SOCS5: variants seen among roughly 807,000 people sequenced by gnomAD.
SOCS5 encodes the protein CIS-6.
Under a neutral mutation model 42.8 loss-of-function variants are expected in SOCS5, and 32 were observed. The observed-to-expected ratio is 0.75, with a 90% CI of 0.56 to 1.01. The LOEUF (loss-of-function observed/expected upper bound fraction) is 1.01, where lower values mean the gene tolerates loss of function less well. SOCS5 is among the 50% of genes least tolerant of loss of function. The pLI, the probability that SOCS5 is intolerant of heterozygous loss-of-function variation, is 0.00. For missense variants in SOCS5, 627 were observed against 653.0 expected (o/e 0.96, Z 0.43); for synonymous variants, 283 against 229.6 (o/e 1.23, Z -2.10).
intron 1 of SOCS5, among the ~76,000 whole-genome samples, chr2:46,724,733 G>A (rs1167153217): frequency 1.3e-5 from 2 of 151,782 alleles, no homozygotes; most frequent in African/African-American, 4.8e-5. Context: ...CATATTTTAT[G>A]TTGCTTCAGT....
chr2:46,746,543 C>T (rs145107140), intron 1 of SOCS5, among the ~76,000 whole-genome samples: 89 of 151,334 alleles, frequency 5.9e-4, no homozygotes, highest in Non-Finnish European at 9.0e-4. Flanking sequence ...CCCAGCTACT[C>T]GGGAGGCTGA....
intron 1 of SOCS5, among the ~76,000 whole-genome samples, chr2:46,741,942 A>C (rs767330387): frequency 3.3e-5 from 5 of 152,222 alleles, no homozygotes; most frequent in Non-Finnish European, 5.9e-5. Flanking sequence ...CATAGTTTTC[A>C]AGCTTTAGTA....
At position 46,749,574 on chromosome 2, in the gene SOCS5, C is replaced by T. The variant is rs962577623; in HGVS notation, c.-12-8945C>T. Among the ~76,000 whole-genome samples, 3 of 152,192 alleles carry T rather than the reference C, an allele frequency of 2.0e-5. No individual in the cohort carries two copies. In the East Asian group the frequency reaches 5.8e-4, roughly 29 times the overall value. The stretch of plus-strand genomic sequence containing the variant: ...TCCCCATAAGAAAATGAAGCATAAC[C>T]TCTTAGGATTTTAGGCTTCTCTAGT... On this transcript the variant is annotated intron_variant, in intron 1 of 1. Transcript: ENST00000394861.
intron 1 of SOCS5, among the ~76,000 whole-genome samples, chr2:46,725,909 A>C (rs1486788526): frequency 6.6e-6 from 1 of 152,024 alleles, no homozygotes; most frequent in Non-Finnish European, 1.5e-5. Context: ...CCCTTTAAAA[A>C]TGTGCTGTTT....
intron 1 of SOCS5, among the ~76,000 whole-genome samples, chr2:46,726,098 A>G (rs1390553260): frequency 6.6e-6 from 1 of 151,142 alleles, no homozygotes. Flanking sequence ...TTAAAAATTT[A>G]TTTATTTATT....
chr2:46,746,670 G>A (rs1221768564), intron 1 of SOCS5, among the ~76,000 whole-genome samples: 3 of 151,522 alleles, frequency 2.0e-5, no homozygotes, highest in Non-Finnish European at 4.4e-5. Context: ...GATCCCATCA[G>A]CCTGTCTCCT....
At chr2:46,738,110 A>G (rs1214894689) in intron 1 of SOCS5, among the ~76,000 whole-genome samples, 1 of 152,182 alleles carries the variant, frequency 6.6e-6, no homozygotes, top group Non-Finnish European at 1.5e-5. Context: ...GGGCCAACTA[A>G]GGGAGGTATT....
In SOCS5 at chr2:46,759,540, G is replaced by C. The variant is rs1464246989; in HGVS notation, c.1010G>C (p.Arg337Thr). The C allele has an allele frequency of 1.9e-6, 3 of 1,613,842 alleles. No individual in the cohort carries two copies. The highest frequency in any genetic ancestry group is 2.5e-6 in the Non-Finnish European group (3 of 1,179,872). Residue 337 changes from arginine to threonine, a missense_variant, in exon 2 of 2, where the codon AGG becomes ACG. By Grantham distance (71) the Arg-to-Thr change is moderately conservative (BLOSUM62 -1). Around this residue, in one of 3 missense-constraint regions of SOCS5, gnomAD observed 340 missense variants for 367.6 expected, o/e 0.92. Transcript: ENST00000394861. ...ACCACCCTGTGTTTGCAGTCACGGA[G>C]GCAGAAGCAGCGTCAGATATCTGGA... ...DTTTLCLQSR[R>T]QKQRQISGDS...
At chr2:46,725,631 A>G (rs1241846343) in intron 1 of SOCS5, among the ~76,000 whole-genome samples, 1 of 152,192 alleles carries the variant, frequency 6.6e-6, no homozygotes, top group Non-Finnish European at 1.5e-5. Context: ...AGACAATTAC[A>G]TAGTTTCTGC....
intron 1 of SOCS5, among the ~76,000 whole-genome samples, chr2:46,720,120 C>A (rs1262886782): frequency 6.6e-6 from 1 of 152,136 alleles, no homozygotes; most frequent in African/African-American, 2.4e-5. Context: ...ATGTTCTCAT[C>A]ATTAAAACTG....
At chr2:46,727,133 G>C (rs574175981) in intron 1 of SOCS5, among the ~76,000 whole-genome samples, 1 of 136,522 alleles carries the variant, frequency 7.3e-6, no homozygotes, top group East Asian at 2.1e-4. Flanking sequence ...GTTTTCCCTT[G>C]TTGGAGCCTT....
intron 1 of SOCS5, among the ~76,000 whole-genome samples, chr2:46,754,418 C>T (rs1284251607): frequency 1.3e-5 from 2 of 152,060 alleles, no homozygotes; most frequent in Non-Finnish European, 2.9e-5. Flanking sequence ...CAGAGTCATT[C>T]AACTTTATAA....
chr2:46,750,203 T>C (rs1279045437), intron 1 of SOCS5, among the ~76,000 whole-genome samples: 1 of 152,176 alleles, frequency 6.6e-6, no homozygotes, highest in Non-Finnish European at 1.5e-5. Flanking sequence ...TTCATTCTGG[T>C]GCCCTAAGCA....
intron 1 of SOCS5, among the ~76,000 whole-genome samples, chr2:46,736,740 G>C (rs1018182315): frequency 5.3e-5 from 8 of 152,152 alleles, no homozygotes; most frequent in African/African-American, 1.4e-4. Flanking sequence ...CGCTTGGGTT[G>C]TTGTGCTACC....
chr2:46,738,102 G>A (rs951602379), intron 1 of SOCS5, among the ~76,000 whole-genome samples: 1 of 152,106 alleles, frequency 6.6e-6, no homozygotes, highest in Non-Finnish European at 1.5e-5. Context: ...ATGGTAGAGG[G>A]CCAACTAAGG....
At chr2:46,716,985 C>G (rs1672761728) in intron 1 of SOCS5, among the ~76,000 whole-genome samples, 1 of 152,142 alleles carries the variant, frequency 6.6e-6, no homozygotes, top group African/African-American at 2.4e-5. Flanking sequence ...GATCCTGGCC[C>G]TGTGTGAACT....
intron 1 of SOCS5, among the ~76,000 whole-genome samples, chr2:46,712,709 A>G (rs950793054): frequency 3.3e-5 from 5 of 152,204 alleles, no homozygotes; most frequent in Non-Finnish European, 5.9e-5. Flanking sequence ...TCTTTATTCT[A>G]TTAAGATGGT....
chr2:46,728,626 A>G (rs1673046075), intron 1 of SOCS5, among the ~76,000 whole-genome samples: 2 of 152,056 alleles, frequency 1.3e-5, no homozygotes, highest in Admixed American at 1.3e-4. Context: ...CTGCTATCTC[A>G]GTCACTGCGA....
At chr2:46,733,687 A>G (rs886397314) in intron 1 of SOCS5, among the ~76,000 whole-genome samples, 14 of 152,236 alleles carry the variant, frequency 9.2e-5, no homozygotes, top group Admixed American at 9.2e-4. Flanking sequence ...AAAAGTTACA[A>G]ATAGATACGA....
Sources: allele counts gnomAD v4.1 joint callset (sites outside exome capture counted in the v4.1 genomes callset), GRCh38; gene constraint gnomAD v4.1.1; regional missense constraint gnomAD v4.1.1; transcripts MANE v1.5; gene names NCBI Gene and HGNC (gene_info 2026-07-23, HGNC 2026-07-21).